Variants in RBFOX3 observed in about 807,000 individuals in gnomAD.
RBFOX3 encodes RNA binding protein fox-1 homolog 3.
A neutral mutation model predicts 48.7 loss-of-function variants in RBFOX3; 17 were observed. That is an observed-to-expected ratio of 0.35 (90% CI 0.24 to 0.52). The LOEUF (loss-of-function observed/expected upper bound fraction) is 0.52, where lower values mean the gene tolerates loss of function less well. RBFOX3 is among the 20% of genes least tolerant of loss of function. The pLI, the probability that RBFOX3 is intolerant of heterozygous loss-of-function variation, is 0.94. For missense variants in RBFOX3, 382 were observed against 497.5 expected, an observed-to-expected ratio of 0.77 and a Z score of 2.21; for synonymous variants, 212 against 209.5, an observed-to-expected ratio of 1.01 and a Z score of -0.10.
intron 1 of RBFOX3, among the ~76,000 whole-genome samples, chr17:79,562,264 C>T (rs1029044692): frequency 1.3e-5 from 2 of 152,150 alleles, no homozygotes; most frequent in African/African-American, 4.8e-5. Context: ...TCACCCGAGT[C>T]GGCGGCTTCC....
chr17:79,511,350 A>G (rs1439428120), intron 1 of RBFOX3, among the ~76,000 whole-genome samples: 18 of 152,268 alleles, frequency 1.2e-4, no homozygotes, highest in Admixed American at 1.2e-3. Flanking sequence ...CCCCCTTTTC[A>G]GTGCCTAATA....
chr17:79,444,740 G>A (rs1405675880), intron 2 of RBFOX3, among the ~76,000 whole-genome samples: 1 of 151,982 alleles, frequency 6.6e-6, no homozygotes, highest in African/African-American at 2.4e-5. Context: ...ACAGCGTGCA[G>A]TAGAGAAGAG....
At chr17:79,092,707 A>C in intron 14 of RBFOX3, 1 of 821,194 alleles carries the variant, frequency 1.2e-6, no homozygotes, top group Non-Finnish European at 1.4e-6. Context: ...AAAAGCAAAA[A>C]GAAAAAAAAA....
At chr17:79,568,526 C>A (rs985407572) in intron 1 of RBFOX3, among the ~76,000 whole-genome samples, 9 of 152,120 alleles carry the variant, frequency 5.9e-5, no homozygotes, top group Non-Finnish European at 8.8e-5. Flanking sequence ...AAGGGATATG[C>A]AACTGGTAGG....
chr17:79,483,458 CCCTG>C (rs1598889451), intron 1 of RBFOX3, among the ~76,000 whole-genome samples: 4 of 124,876 alleles, frequency 3.2e-5, no homozygotes, highest in East Asian at 2.4e-4. Flanking sequence ...CTCCCTCCCT[CCCTG>C]CCTGCCTGCC....
chr17:79,411,870 C>T (rs2064397464), intron 2 of RBFOX3, among the ~76,000 whole-genome samples: 1 of 152,182 alleles, frequency 6.6e-6, no homozygotes, highest in African/African-American at 2.4e-5. Context: ...AAATATGGAA[C>T]AATGTGTGTG....
At chr17:79,550,371 T>C (rs2143560850) in intron 1 of RBFOX3, among the ~76,000 whole-genome samples, 1 of 152,194 alleles carries the variant, frequency 6.6e-6, no homozygotes, top group South Asian at 2.1e-4. Context: ...CAAGGAAGGC[T>C]AAACTGGTAC....
chr17:79,232,308 G>A (rs2061131638), intron 4 of RBFOX3, among the ~76,000 whole-genome samples: 1 of 152,090 alleles, frequency 6.6e-6, no homozygotes, highest in Non-Finnish European at 1.5e-5. Context: ...AATGTAAGGG[G>A]CCTAGAAGAG....
intron 2 of RBFOX3, among the ~76,000 whole-genome samples, chr17:79,451,309 A>C (rs781872674): frequency 1.3e-5 from 2 of 152,100 alleles, no homozygotes; most frequent in African/African-American, 2.4e-5. Context: ...TCAACCCTGA[A>C]CCCCCGGGAC....
intron 2 of RBFOX3, among the ~76,000 whole-genome samples, chr17:79,316,007 T>C (rs1240275476): frequency 6.6e-6 from 1 of 152,186 alleles, no homozygotes; most frequent in Non-Finnish European, 1.5e-5. Context: ...TTTCATTCCC[T>C]ATTAGTTCCC....
chr17:79,495,553 GGGGTACT>G (rs2081350665), intron 1 of RBFOX3, among the ~76,000 whole-genome samples: 1 of 9,968 alleles, frequency 1.0e-4, no homozygotes. Flanking sequence ...GGTGGGGGCA[GGGGTACT>G]GGGGGCAGGG....
intron 2 of RBFOX3, among the ~76,000 whole-genome samples, chr17:79,317,125 C>T (rs1438697735): frequency 6.6e-6 from 1 of 152,152 alleles, no homozygotes; most frequent in Non-Finnish European, 1.5e-5. Flanking sequence ...CCCATCTCCC[C>T]CACGGCCACC....
At chr17:79,620,187 GCACAT>G in the RBFOX3 span, among the ~76,000 whole-genome samples, 1 of 131,162 alleles carries the variant, frequency 7.6e-6, no homozygotes, top group African/African-American at 2.9e-5. Context: ...ACACACATGT[GCACAT>G]GCACACACGT....
chr17:79,258,324 C>T (rs1000018666), intron 3 of RBFOX3, among the ~76,000 whole-genome samples: 9 of 152,168 alleles, frequency 5.9e-5, no homozygotes, highest in South Asian at 2.1e-4. Flanking sequence ...GGATCTGAAA[C>T]GGATTCCCGC....
the RBFOX3 span, among the ~76,000 whole-genome samples, chr17:79,629,973 G>A: frequency 6.6e-6 from 1 of 152,202 alleles, no homozygotes; most frequent in Non-Finnish European, 1.5e-5. Context: ...TGTGTAAGTG[G>A]ACGACGGGCT....
At chr17:79,227,534 G>T (rs1201234115) in intron 4 of RBFOX3, among the ~76,000 whole-genome samples, 1 of 152,234 alleles carries the variant, frequency 6.6e-6, no homozygotes, top group African/African-American at 2.4e-5. Flanking sequence ...GATGCCAGTG[G>T]GGGACTCTGC....
chr17:79,368,279 T>C (rs1024261296), intron 2 of RBFOX3, among the ~76,000 whole-genome samples: 1 of 129,648 alleles, frequency 7.7e-6, no homozygotes, highest in Non-Finnish European at 1.7e-5. Context: ...AGGGGTCCAG[T>C]AGGAGCAGCA....
intron 3 of RBFOX3, among the ~76,000 whole-genome samples, chr17:79,241,869 C>T (rs1411390805): frequency 6.6e-6 from 1 of 152,100 alleles, no homozygotes; most frequent in African/African-American, 2.4e-5. Context: ...GGCACTAATC[C>T]CATTGCCCAA....
At chr17:79,514,600 G>A (rs2149908672) in intron 1 of RBFOX3, among the ~76,000 whole-genome samples, 1 of 152,162 alleles carries the variant, frequency 6.6e-6, no homozygotes, top group East Asian at 1.9e-4. Context: ...ACAGGCTCTG[G>A]GGCCACAGGC....
Sources: gnomAD v4.1 joint callset for allele counts (sites outside exome capture counted in the v4.1 genomes callset) on GRCh38, gnomAD v4.1.1 for gene constraint, MANE v1.5 for transcripts, NCBI Gene and HGNC (gene_info 2026-07-23, HGNC 2026-07-21) for gene names.